Variants in YKT6 observed in about 807,000 individuals in gnomAD.
The protein encoded by YKT6 is YKT6 vesicular SNARE protein.
In YKT6, 12 loss-of-function variants were observed where a neutral mutation model predicts 29.3. The observed-to-expected ratio is 0.41, with a 90% confidence interval of 0.26 to 0.66. The LOEUF (loss-of-function observed/expected upper bound fraction) is 0.66. Among genes scored for constraint, YKT6 ranks in the 30% least tolerant of loss-of-function variants. The pLI is 0.32. For missense variants in YKT6, 188 were observed against 243.8 expected (o/e 0.77, Z 1.52); for synonymous variants, 86 against 94.3 (o/e 0.91, Z 0.51).
intron 2 of YKT6, among the ~76,000 whole-genome samples, chr7:44,205,764 A>C (rs10278336): frequency 6.6e-6 from 1 of 151,932 alleles, no homozygotes; most frequent in Non-Finnish European, 1.5e-5. Flanking sequence ...GTACAACTGT[A>C]CCTTTCAATC....
chr7:44,201,261 G>A, intron 1 of YKT6, 22 bp downstream of exon 1: 1 of 1,604,676 alleles, frequency 6.2e-7, no homozygotes, highest in Non-Finnish European at 8.5e-7. Context: ...AGGCTGGTGG[G>A]CCGTGGCGGT....
At chr7:44,207,245 A>T (rs2096341768) in intron 3 of YKT6, 143 bp from the exon 4 acceptor site, 1 of 571,084 alleles carries the variant, frequency 1.8e-6, no homozygotes, top group South Asian at 2.6e-5. Context: ...TGTTGCCATT[A>T]TATGTCCCCC....
At chr7:44,207,532 A>C in intron 4 of YKT6, 40 bp downstream of exon 4, 1 of 1,588,580 alleles carries the variant, frequency 6.3e-7, no homozygotes. Context: ...CATGTGGCCC[A>C]GAATCCATGT....
At chr7:44,203,842 G>C (rs2096338277) in intron 1 of YKT6, among the ~76,000 whole-genome samples, 1 of 152,106 alleles carries the variant, frequency 6.6e-6, no homozygotes, top group South Asian at 2.1e-4. Context: ...GGCCCTGGTT[G>C]CCCTTTATAT....
At chr7:44,204,863 A>ATT (rs1281613904) in intron 2 of YKT6, among the ~76,000 whole-genome samples, 1 of 152,232 alleles carries the variant, frequency 6.6e-6, no homozygotes, top group East Asian at 1.9e-4. Flanking sequence ...ACTTAGACTC[A>ATT]TTTAAGATTA....
At chr7:44,211,645 G>GCC in intron 6 of YKT6, 1 of 997,752 alleles carries the variant, frequency 1.0e-6, no homozygotes, top group Non-Finnish European at 1.2e-6. Flanking sequence ...GGCACTGTTG[G>GCC]CCCATGGTTG....
chr7:44,208,490 G>T, intron 5 of YKT6: 1 of 374,456 alleles, frequency 2.7e-6, no homozygotes, highest in Non-Finnish European at 5.1e-6. Context: ...GGGTTCCTAG[G>T]GTTTGGCTTC....
chr7:44,213,551 TC>T lies in YKT6; in HGVS notation c.*1270del, dbSNP rs766320807. 2 of 152,282 alleles carry T rather than the reference TC, an allele frequency of 1.3e-5. No homozygotes were observed. Among genetic ancestry groups the T allele is most frequent in the African/African-American group, 2.4e-5 (1 of 41,446 alleles). The allele number at this position is 152,282 out of a possible 1,614,324, so 9.4% of individuals were successfully genotyped here. A position where few individuals can be genotyped will look rare whatever the true frequency, so the allele number is the denominator to read the frequency against. ...CTTGGGTCCTAGTGTTATGTTCCAGTCTGCCCACCTGTGCTCAGGATGCAGC... is the reference window on the plus strand; with the variant it reads ...CTTGGGTCCTAGTGTTATGTTCCAGTTGCCCACCTGTGCTCAGGATGCAGC... On this transcript the variant is annotated 3_prime_UTR_variant, in exon 7 of 7. Transcript: ENST00000223369.
intron 5 of YKT6, among the ~76,000 whole-genome samples, chr7:44,210,417 C>G (rs193110228): frequency 5.3e-5 from 8 of 152,324 alleles, no homozygotes; most frequent in African/African-American, 1.2e-4. Context: ...ACGTGACCTT[C>G]TGTGTGTGTG....
Position 44,212,293 on chromosome 7 carries a change from C to CAGAGG in YKT6, c.*12_*16dup. On this transcript the variant is annotated 3_prime_UTR_variant, in exon 7 of 7. Coordinates refer to ENST00000223369, the MANE Select transcript of YKT6 (RefSeq NM_006555.4). Reference sequence around the variant, plus strand: ...TGTGCCATCATGTGATGCAGCCTGCCAGAGGCCCAATGCTGGAATGGCACC... The same window carrying CAGAGG: ...TGTGCCATCATGTGATGCAGCCTGCCAGAGGAGAGGCCCAATGCTGGAATGGCACC... 6.2e-7 allele frequency: 1 copy of CAGAGG among 1,613,756 alleles called. No homozygotes were observed. The highest frequency in any genetic ancestry group is 8.5e-7 in the Non-Finnish European group (1 of 1,179,842).
chr7:44,203,385 C>T (rs1314459410), intron 1 of YKT6, among the ~76,000 whole-genome samples: 3 of 152,234 alleles, frequency 2.0e-5, no homozygotes, highest in South Asian at 2.1e-4. Flanking sequence ...TGAGCCACCA[C>T]GTCCGGCCTG....
chr7:44,203,198 A>C (rs543846956), intron 1 of YKT6, among the ~76,000 whole-genome samples: 1 of 152,240 alleles, frequency 6.6e-6, no homozygotes, highest in Non-Finnish European at 1.5e-5. Flanking sequence ...GGTTCAAGTG[A>C]TTCTCCTGCC....
intron 4 of YKT6, among the ~76,000 whole-genome samples, chr7:44,207,763 G>T (rs1477543540): frequency 6.6e-6 from 1 of 150,988 alleles, no homozygotes; most frequent in Non-Finnish European, 1.5e-5. Flanking sequence ...GTCTCACTCT[G>T]TTTCCCAGGC....
intron 1 of YKT6, among the ~76,000 whole-genome samples, chr7:44,203,167 C>A (rs1053278061): frequency 6.6e-6 from 1 of 152,204 alleles, no homozygotes; most frequent in African/African-American, 2.4e-5. Flanking sequence ...AGTGTCAGCT[C>A]ACTGCAACCT....
chr7:44,201,023 G>T lies in YKT6; in HGVS notation c.-113G>T, dbSNP rs1023734237. ...GAAGCCGGCGGTGGCCCCGTCAGCAGCCGGCTGCTGAGAGGCCGGTAGGCG... is the reference window on the plus strand; with the variant it reads ...GAAGCCGGCGGTGGCCCCGTCAGCATCCGGCTGCTGAGAGGCCGGTAGGCG... On this transcript the variant is annotated 5_prime_UTR_variant, in exon 1 of 7. Transcript: ENST00000223369. 3.6e-5 allele frequency: 30 copies of T among 834,270 alleles called. No individual in the cohort carries two copies. Among genetic ancestry groups the T allele is most frequent in the East Asian group, 2.9e-4 (9 of 30,838 alleles). 51.7% of individuals were successfully genotyped at this position (834,270 alleles called of 1,614,324 possible).
At chr7:44,210,204 C>T (rs1212792714) in intron 5 of YKT6, among the ~76,000 whole-genome samples, 1 of 152,144 alleles carries the variant, frequency 6.6e-6, no homozygotes, top group African/African-American at 2.4e-5. Context: ...TAGCCATTTC[C>T]CACCGCCTTT....
Position 44,201,063 on chromosome 7 carries a change from G to C in YKT6, c.-73G>C, listed in dbSNP as rs973484343. ...GCCGGTAGGCGGCGGCGGTCCCGAG[G>C]GGCGGCGGCCGCGCTGCTCCCTGAG... On this transcript the variant is annotated 5_prime_UTR_variant, in exon 1 of 7. Transcript: ENST00000223369. 3 of 1,362,230 alleles carry C rather than the reference G, an allele frequency of 2.2e-6. No homozygotes were observed. Among genetic ancestry groups the C allele is most frequent in the South Asian group, 1.4e-5 (1 of 70,602 alleles). The allele number at this position is 1,362,230 out of a possible 1,614,324, so 84.4% of individuals were successfully genotyped here. A position where few individuals can be genotyped will look rare whatever the true frequency, so the allele number is the denominator to read the frequency against.
intron 1 of YKT6, among the ~76,000 whole-genome samples, chr7:44,202,003 G>A (rs764195311): frequency 6.6e-5 from 10 of 152,146 alleles, no homozygotes; most frequent in Non-Finnish European, 1.5e-4. Flanking sequence ...TTTAATTGCT[G>A]GAACGTGTTA....
At chr7:44,201,775 A>G (rs998672940) in intron 1 of YKT6, among the ~76,000 whole-genome samples, 12 of 152,198 alleles carry the variant, frequency 7.9e-5, no homozygotes, top group Admixed American at 7.2e-4. Flanking sequence ...GCTTCCCAAC[A>G]ATTCTGTATG....
Sources: gnomAD v4.1 joint callset for allele counts (sites outside exome capture counted in the v4.1 genomes callset) on GRCh38, gnomAD v4.1.1 for gene constraint, MANE v1.5 for transcripts, NCBI Gene and HGNC (gene_info 2026-07-23, HGNC 2026-07-21) for gene names.